Variants in C1orf94 observed in about 807,000 individuals in gnomAD.
C1orf94 encodes the protein uncharacterized protein C1orf94.
A neutral mutation model predicts 53.6 loss-of-function variants in C1orf94; 45 were observed. That is an observed-to-expected ratio of 0.84 (90% confidence interval 0.66 to 1.08). The LOEUF is 1.08. C1orf94 is among the 50% of genes least tolerant of loss of function. C1orf94 has a pLI of 0.00. For missense variants in C1orf94, 762 were observed against 738.9 expected, an observed-to-expected ratio of 1.03 and a Z score of -0.36; for synonymous variants, 304 against 296.1, an observed-to-expected ratio of 1.03 and a Z score of -0.27.
chr1:34,193,999 G>A (rs1388491720), intron 1 of C1orf94, among the ~76,000 whole-genome samples: 3 of 152,146 alleles, frequency 2.0e-5, no homozygotes, highest in Non-Finnish European at 4.4e-5. Flanking sequence ...GAAACCCACC[G>A]TGAGTTCAGA....
Position 34,183,923 on chromosome 1 carries a change from G to C in C1orf94, c.320+5814G>C, listed in dbSNP as rs138931286. 3.3e-5 allele frequency among the ~76,000 whole-genome samples: 5 copies of C among 152,018 alleles called. No individual in the cohort carries two copies. In the South Asian group the frequency reaches 8.3e-4, roughly 25 times the overall value. On this transcript the variant is annotated intron_variant, in intron 1 of 6. Transcript: ENST00000488417. ...CTGAAAAAAATACAATGGTGGAAAA[G>C]CTGGGGACAGTCTCTGACCTCCTTT...
At chr1:34,192,119 A>G (rs770410850) in intron 1 of C1orf94, among the ~76,000 whole-genome samples, 1 of 152,188 alleles carries the variant, frequency 6.6e-6, no homozygotes, top group Non-Finnish European at 1.5e-5. Context: ...CCCAACCCCA[A>G]AGAGAAAGCG....
upstream of C1orf94, among the ~76,000 whole-genome samples, chr1:34,176,253 CTATT>C: frequency 6.6e-6 from 1 of 152,172 alleles, no homozygotes; most frequent in Non-Finnish European, 1.5e-5. Context: ...CCATCTTCCT[CTATT>C]TGTGTCCATT....
At chr1:34,198,011 T>G (rs71647966) in intron 2 of C1orf94, 98 bp downstream of exon 2, 212,177 of 1,271,688 alleles carry the variant, frequency 0.17, 19,624 homozygotes, top group Middle Eastern at 0.21. Flanking sequence ...AGCATCTTCA[T>G]GCAAAGCAAG....
upstream of C1orf94, among the ~76,000 whole-genome samples, chr1:34,172,872 A>G (rs1642168434): frequency 6.6e-6 from 1 of 152,116 alleles, no homozygotes; most frequent in Admixed American, 6.5e-5. Context: ...ATTCCCCAAG[A>G]TATTTGCCTG....
chr1:34,179,897 C>G (rs1223450601), intron 1 of C1orf94, among the ~76,000 whole-genome samples: 1 of 152,172 alleles, frequency 6.6e-6, no homozygotes, highest in Non-Finnish European at 1.5e-5. Flanking sequence ...ATCAGTTTTA[C>G]TTACTAGAGT....
chr1:34,180,706 C>G (rs1367537272), intron 1 of C1orf94, among the ~76,000 whole-genome samples: 3 of 152,228 alleles, frequency 2.0e-5, no homozygotes, highest in Non-Finnish European at 4.4e-5. Context: ...GGGAGCTGTT[C>G]TTACTATTTC....
At chr1:34,182,990 C>G (rs1387855449) in intron 1 of C1orf94, among the ~76,000 whole-genome samples, 2 of 152,222 alleles carry the variant, frequency 1.3e-5, no homozygotes, top group Non-Finnish European at 2.9e-5. Flanking sequence ...GAGCTGGTTT[C>G]TAGTCTAAGA....
chr1:34,208,245 G>C lies in C1orf94; in HGVS notation c.1524+11G>C. On this transcript the variant is annotated intron_variant, in intron 5 of 6. Coordinates refer to ENST00000488417, the MANE Select transcript of C1orf94 (RefSeq NM_001134734.2). The stretch of plus-strand genomic sequence containing the variant: ...TGTTACTCCCAACAGGTGAGTAGAC[G>C]ATCTCTCCTCCTCTGTCCTGGGTCC... 1 of 1,612,484 alleles carries C rather than the reference G, an allele frequency of 6.2e-7. No individual in the cohort carries two copies. The highest frequency in any genetic ancestry group is 1.1e-5 in the South Asian group (1 of 90,606).
At chr1:34,194,530 A>G (rs1313971687) in intron 1 of C1orf94, among the ~76,000 whole-genome samples, 2 of 152,206 alleles carry the variant, frequency 1.3e-5, no homozygotes, top group Admixed American at 1.3e-4. Flanking sequence ...TGTATAAAAT[A>G]AAGCAGAAAG....
At chr1:34,202,842 A>C (rs1296898448) in intron 4 of C1orf94, among the ~76,000 whole-genome samples, 3 of 152,230 alleles carry the variant, frequency 2.0e-5, no homozygotes, top group Non-Finnish European at 4.4e-5. Context: ...CCACAGATTC[A>C]ACCAATCTTG....
intron 4 of C1orf94, among the ~76,000 whole-genome samples, chr1:34,204,256 G>A (rs1419344569): frequency 2.0e-5 from 3 of 152,274 alleles, no homozygotes; most frequent in Middle Eastern, 3.4e-3. Flanking sequence ...CTTCAAGCTG[G>A]TCCACCAGGC....
In C1orf94 at chr1:34,197,165, G is replaced by T; in HGVS notation, c.321-60G>T. On this transcript the variant is annotated intron_variant, in intron 1 of 6. Transcript: ENST00000488417. The surrounding 1 kb of genome is among the most constrained non-coding windows in gnomAD (Gnocchi z 4.1). Reference sequence around the variant, plus strand: ...CCTTTTCTGGGGCCTATGTCCTTCTGCAAAGCCACGCCTTGGTGAGCTGGC... The same window carrying T: ...CCTTTTCTGGGGCCTATGTCCTTCTTCAAAGCCACGCCTTGGTGAGCTGGC... The T allele has an allele frequency of 1.4e-6, 2 of 1,426,872 alleles. No homozygotes were observed. The highest frequency in any genetic ancestry group is 1.9e-6 in the Non-Finnish European group (2 of 1,073,312). The allele number at this position is 1,426,872 out of a possible 1,614,324, so 88.4% of individuals were successfully genotyped here. A position where few individuals can be genotyped will look rare whatever the true frequency, so the allele number is the denominator to read the frequency against.
intron 1 of C1orf94, among the ~76,000 whole-genome samples, chr1:34,179,613 G>C (rs973981610): frequency 6.6e-6 from 1 of 152,242 alleles, no homozygotes; most frequent in Non-Finnish European, 1.5e-5. Context: ...AGGGTGATAT[G>C]TGCTGCCTTG....
In C1orf94 at chr1:34,180,431, T is replaced by C. The variant is rs144210088; in HGVS notation, c.320+2322T>C. On this transcript the variant is annotated intron_variant, in intron 1 of 6. Transcript: ENST00000488417. ...TTCAATAATTATCACATTGTGCCAT[T>C]CTGGTTTCAATTGCTACCTCCACCC... is the stretch of plus-strand genomic sequence containing the variant. Among the ~76,000 whole-genome samples the C allele has an allele frequency of 5.9e-5, 9 of 152,356 alleles. 1 individual carries two copies. In the East Asian group the frequency reaches 1.5e-3, roughly 26 times the overall value.
chr1:34,206,084 C>T (rs60798547), intron 4 of C1orf94, among the ~76,000 whole-genome samples: 5 of 152,130 alleles, frequency 3.3e-5, no homozygotes, highest in Non-Finnish European at 7.4e-5. Flanking sequence ...GACTGAGCAG[C>T]GGTGGGCAGC....
At chr1:34,207,118 C>T (rs757092172) in intron 4 of C1orf94, among the ~76,000 whole-genome samples, 9 of 152,058 alleles carry the variant, frequency 5.9e-5, no homozygotes, top group African/African-American at 1.4e-4. Context: ...GGCAGCCTCT[C>T]GGGCAGCAGA....
intron 3 of C1orf94, 51 bp downstream of exon 3, chr1:34,201,083 C>T: frequency 6.5e-7 from 1 of 1,544,170 alleles, no homozygotes; most frequent in Non-Finnish European, 8.8e-7. Context: ...TTGCAGTGAC[C>T]CTCACAGGCT....
At chr1:34,195,289 C>T (rs971087167) in intron 1 of C1orf94, among the ~76,000 whole-genome samples, 6 of 152,176 alleles carry the variant, frequency 3.9e-5, no homozygotes, top group African/African-American at 1.2e-4. Flanking sequence ...AGTGACCTCG[C>T]CCAATGCTCC....
Sources: gnomAD v4.1 joint callset for allele counts (sites outside exome capture counted in the v4.1 genomes callset) on GRCh38, gnomAD v4.1.1 for gene constraint, Gnocchi (gnomAD v3.1) non-coding constraint, MANE v1.5 for transcripts, NCBI Gene and HGNC (gene_info 2026-07-23, HGNC 2026-07-21) for gene names.